Variants in CRPPA observed in about 807,000 individuals in gnomAD.
CRPPA encodes CDP-L-ribitol pyrophosphorylase A.
A neutral mutation model predicts 52.0 loss-of-function variants in CRPPA; 43 were observed. That is an observed-to-expected ratio of 0.83 (90% CI 0.65 to 1.07). CRPPA has a LOEUF of 1.07. CRPPA is among the 50% of genes least tolerant of loss of function. CRPPA has a pLI of 0.00. For missense variants in CRPPA, 629 were observed against 551.7 expected (o/e 1.14, Z -1.40); for synonymous variants, 250 against 203.5 (o/e 1.23, Z -1.94).
intron 9 of CRPPA, among the ~76,000 whole-genome samples, chr7:16,146,731 ATGG>A (rs1463358796): frequency 6.6e-6 from 1 of 152,150 alleles, no homozygotes; most frequent in Non-Finnish European, 1.5e-5. Context: ...TGTAAGCCTC[ATGG>A]TAATCACAAA....
chr7:16,363,285 T>G (rs868809799), intron 3 of CRPPA, among the ~76,000 whole-genome samples: 3 of 152,140 alleles, frequency 2.0e-5, no homozygotes, highest in African/African-American at 7.2e-5. Flanking sequence ...TTTGACACAG[T>G]TTTGCACTGC....
In CRPPA at chr7:16,282,872, C is replaced by T. The variant is rs114384688; in HGVS notation, c.836-4646G>A. On this transcript the variant is annotated intron_variant, in intron 5 of 9. Coordinates refer to ENST00000407010, the MANE Select transcript of CRPPA (RefSeq NM_001101426.4). ...GCCAATTTCTTACAGTGTCTATGGA[C>T]GCAATCAATATGTCCTTTACTACTA... Among the ~76,000 whole-genome samples the T allele has an allele frequency of 7.5e-3, 1,145 of 152,084 alleles. 17 individuals carry two copies. Among genetic ancestry groups the T allele is most frequent in the African/African-American group, 0.026 (1,094 of 41,514 alleles).
chr7:16,229,292 G>T (rs1370541238), intron 8 of CRPPA, among the ~76,000 whole-genome samples: 1 of 151,908 alleles, frequency 6.6e-6, no homozygotes, highest in Non-Finnish European at 1.5e-5. Flanking sequence ...TTATTGATAG[G>T]TACAGACTTA....
chr7:16,258,947 A>G lies in CRPPA; in HGVS notation c.999T>C (p.Asp333=), dbSNP rs376909665. 2.0e-4 allele frequency: 325 copies of G among 1,611,064 alleles called. No homozygotes were observed. Among genetic ancestry groups the G allele is most frequent in the Non-Finnish European group, 2.5e-4 (292 of 1,178,252 alleles). ...TCACACAAACAAAATTGTAGCATTG[A>G]TCTAAGATGATTTGCTGAAGATGTC... ...AGRHLQQIIL[D]QCYNFVCVNV... The change falls in exon 7 of 10, where the codon GAT becomes GAC. Residue 333 remains aspartate, a synonymous_variant. Transcript: ENST00000407010.
intron 3 of CRPPA, among the ~76,000 whole-genome samples, chr7:16,316,008 C>T (rs189656179): frequency 3.9e-5 from 6 of 152,214 alleles, no homozygotes; most frequent in Admixed American, 1.3e-4. Flanking sequence ...AACTCCTAAG[C>T]TCCCTACATG....
Position 16,413,042 on chromosome 7 carries a change from C to T in CRPPA, c.258-6705G>A, listed in dbSNP as rs73291269. On this transcript the variant is annotated intron_variant, in intron 1 of 9. Coordinates refer to ENST00000407010, the MANE Select transcript of CRPPA (RefSeq NM_001101426.4). ...ACCTCTGAAAGCCCTCTCATCTAGT[C>T]TGCAGAGTTTGGCTGCAAGGGGACA... 2.9e-3 allele frequency among the ~76,000 whole-genome samples: 436 copies of T among 152,280 alleles called. 1 individual carries two copies. Among genetic ancestry groups the T allele is most frequent in the African/African-American group, 0.01 (421 of 41,560 alleles).
chr7:16,367,648 G>A (rs1040688245), intron 3 of CRPPA, among the ~76,000 whole-genome samples: 2 of 152,062 alleles, frequency 1.3e-5, no homozygotes, highest in Non-Finnish European at 2.9e-5. Context: ...TTGACAGTAC[G>A]AGATACAAGT....
chr7:16,370,897 CA>C (rs1372129135), intron 3 of CRPPA, among the ~76,000 whole-genome samples: 4 of 152,170 alleles, frequency 2.6e-5, no homozygotes, highest in African/African-American at 7.2e-5. Context: ...ATTGCACTCC[CA>C]CAGAAGGGGC....
At chr7:16,392,620 A>T (rs890077372) in intron 2 of CRPPA, among the ~76,000 whole-genome samples, 23 of 152,128 alleles carry the variant, frequency 1.5e-4, no homozygotes, top group African/African-American at 5.3e-4. Context: ...CTACAAATAC[A>T]CTGTGAACTC....
In CRPPA at chr7:16,163,805, G is replaced by C. The variant is rs142747707; in HGVS notation, c.1251+52261C>G. On this transcript the variant is annotated intron_variant, in intron 9 of 9. Coordinates refer to ENST00000407010, the MANE Select transcript of CRPPA (RefSeq NM_001101426.4). ...TGTTTGGCTGCTTATGAAATTCTGGGTTGAAAATTATTTTCTTTAAGATTG... is the reference window on the plus strand; with the variant it reads ...TGTTTGGCTGCTTATGAAATTCTGGCTTGAAAATTATTTTCTTTAAGATTG... Among the ~76,000 whole-genome samples the C allele has an allele frequency of 2.6e-5, 4 of 152,218 alleles. No homozygotes were observed. In the East Asian group the frequency reaches 7.7e-4, roughly 29 times the overall value.
chr7:16,328,952 C>G (rs1267760993), intron 3 of CRPPA, among the ~76,000 whole-genome samples: 1 of 152,014 alleles, frequency 6.6e-6, no homozygotes, highest in Non-Finnish European at 1.5e-5. Flanking sequence ...AAACATGGAC[C>G]CTTTGAAAAT....
In CRPPA at chr7:16,216,132, T is replaced by C; in HGVS notation, c.1185A>G (p.Arg395=). 6.3e-7 allele frequency: 1 copy of C among 1,592,296 alleles called. No homozygotes were observed. The highest frequency in any genetic ancestry group is 8.6e-7 in the Non-Finnish European group (1 of 1,162,322). Residue 395 remains arginine (R), a synonymous_variant, in exon 9 of 10, where the codon AGA becomes AGG. Transcript: ENST00000407010. ...TTTCTTTTACTTCCTTTGCAAATTCTCTAATCTGCATTAGGTTTTCCATTT... is the reference window on the plus strand; with the variant it reads ...TTTCTTTTACTTCCTTTGCAAATTCCCTAATCTGCATTAGGTTTTCCATTT... ...SQKMENLMQI[R]EFAKEVKERN... is the part of the protein sequence containing the mutation.
At chr7:16,355,586 G>A (rs1786273993) in intron 3 of CRPPA, among the ~76,000 whole-genome samples, 1 of 152,196 alleles carries the variant, frequency 6.6e-6, no homozygotes, top group Admixed American at 6.5e-5. Context: ...GTTAGAAAGT[G>A]TTTTAGTCCA....
chr7:16,363,214 A>G (rs1350277467), intron 3 of CRPPA, among the ~76,000 whole-genome samples: 1 of 152,228 alleles, frequency 6.6e-6, no homozygotes, highest in African/African-American at 2.4e-5. Context: ...AGATATGACT[A>G]TATCTTAAAA....
chr7:16,380,505 A>T (rs561731913), intron 2 of CRPPA, among the ~76,000 whole-genome samples: 2 of 152,182 alleles, frequency 1.3e-5, no homozygotes, highest in Non-Finnish European at 2.9e-5. Flanking sequence ...CTGGCCTCAT[A>T]AAATGAGTTA....
At chr7:16,104,890 A>G (rs1258007513) in intron 9 of CRPPA, among the ~76,000 whole-genome samples, 1 of 149,442 alleles carries the variant, frequency 6.7e-6, no homozygotes, top group Non-Finnish European at 1.5e-5. Flanking sequence ...ACAGAGTGAG[A>G]CTCCATCTCA....
chr7:16,253,816 G>A (rs1397394581), intron 8 of CRPPA, among the ~76,000 whole-genome samples: 2 of 152,040 alleles, frequency 1.3e-5, no homozygotes, highest in Non-Finnish European at 2.9e-5. Context: ...CAGAACGGGA[G>A]AAAATTTTTG....
intron 9 of CRPPA, among the ~76,000 whole-genome samples, chr7:16,103,988 G>C (rs893666369): frequency 1.3e-5 from 2 of 152,096 alleles, no homozygotes; most frequent in Admixed American, 6.6e-5. Flanking sequence ...TACCTTCTTG[G>C]CAGAAACATG....
rs2128360111 is a variant in CRPPA, at chr7:16,089,314, G to A, written c.*2381C>T. 5.0e-6 allele frequency: 2 copies of A among 397,290 alleles called. No homozygotes were observed. The highest frequency in any genetic ancestry group is 7.9e-4 in the Middle Eastern group (1 of 1,270). 24.6% of individuals were successfully genotyped at this position (397,290 alleles called of 1,614,324 possible). On this transcript the variant is annotated 3_prime_UTR_variant, in exon 10 of 10. Coordinates refer to ENST00000407010, the MANE Select transcript of CRPPA (RefSeq NM_001101426.4). ...TACGTATATACATATATGTGTGTAT[G>A]CGTACGTATATAAATATATGTGTGT...
Sources: allele counts gnomAD v4.1 joint callset (sites outside exome capture counted in the v4.1 genomes callset), GRCh38; gene constraint gnomAD v4.1.1; transcripts MANE v1.5; gene names NCBI Gene and HGNC (gene_info 2026-07-23, HGNC 2026-07-21).